The following LRRTM4 variants were observed in gnomAD, a reference collection of about 807,000 sequenced individuals.
The protein encoded by LRRTM4 is leucine-rich repeat transmembrane neuronal protein 4.
Under a neutral mutation model 47.6 loss-of-function variants are expected in LRRTM4, and 25 were observed. The observed-to-expected ratio is 0.53, with a 90% CI of 0.38 to 0.73. LRRTM4 has a LOEUF of 0.73. Ranked by LOEUF, LRRTM4 falls within the 30% of genes least tolerant of loss-of-function variation. The pLI, the probability that LRRTM4 is intolerant of heterozygous loss-of-function variation, is 0.00. For missense variants in LRRTM4, 638 were observed against 713.4 expected, an observed-to-expected ratio of 0.89 and a Z score of 1.20; for synonymous variants, 311 against 269.5, an observed-to-expected ratio of 1.15 and a Z score of -1.51.
At chr2:77,153,038 A>C (rs1373138335) in intron 3 of LRRTM4, among the ~76,000 whole-genome samples, 1 of 152,206 alleles carries the variant, frequency 6.6e-6, no homozygotes, top group Non-Finnish European at 1.5e-5. Flanking sequence ...AAAAGAAAAA[A>C]AAGCATATTC....
intron 3 of LRRTM4, 102 bp downstream of exon 3, chr2:77,518,216 G>T (rs554632483): frequency 1.4e-6 from 2 of 1,388,294 alleles, no homozygotes; most frequent in Middle Eastern, 2.6e-4. Context: ...AAAGCAAAAG[G>T]GTCATTAATC....
intron 3 of LRRTM4, among the ~76,000 whole-genome samples, chr2:77,031,156 A>G (rs947725402): frequency 1.3e-5 from 2 of 148,260 alleles, no homozygotes; most frequent in Non-Finnish European, 2.9e-5. Context: ...ATAGCAAAAT[A>G]TCTATTTCTA....
At chr2:76,847,831 TTTAAA>T (rs1161363327) in intron 3 of LRRTM4, among the ~76,000 whole-genome samples, 6 of 152,164 alleles carry the variant, frequency 3.9e-5, no homozygotes, top group Admixed American at 3.3e-4. Flanking sequence ...TTTATAAACA[TTTAAA>T]TTAATTTACA....
intron 3 of LRRTM4, among the ~76,000 whole-genome samples, chr2:77,337,729 A>G (rs893829544): frequency 6.6e-6 from 1 of 152,074 alleles, no homozygotes; most frequent in Non-Finnish European, 1.5e-5. Context: ...GCCTTTATAC[A>G]TTACCCAGTC....
chr2:76,806,081 C>A (rs373948656), intron 3 of LRRTM4, among the ~76,000 whole-genome samples: 2 of 151,972 alleles, frequency 1.3e-5, no homozygotes, highest in African/African-American at 4.8e-5. Flanking sequence ...CAGAACAAGG[C>A]AAAATATTGA....
At chr2:76,781,003 G>A (rs912853444) in intron 3 of LRRTM4, among the ~76,000 whole-genome samples, 1 of 152,260 alleles carries the variant, frequency 6.6e-6, no homozygotes, top group Non-Finnish European at 1.5e-5. Flanking sequence ...CTGCAGGTCT[G>A]TTGGAATACC....
intron 3 of LRRTM4, among the ~76,000 whole-genome samples, chr2:77,288,198 G>A (rs1676716543): frequency 6.6e-6 from 1 of 151,460 alleles, no homozygotes; most frequent in African/African-American, 2.4e-5. Flanking sequence ...AGAGTGTCAA[G>A]TAGAAAAAAT....
rs529095772 is a variant in LRRTM4 at position 77,084,210 on chromosome 2, A to C, written c.1552-335294T>G. The stretch of plus-strand genomic sequence containing the variant: ...AAACTTTCAATGAACATTACTTCAA[A>C]GAAAATTGACCTTGTCTTTCGCTCA... On this transcript the variant is annotated intron_variant, in intron 3 of 3. Transcript: ENST00000409884. 5.1e-4 allele frequency among the ~76,000 whole-genome samples: 78 copies of C among 152,194 alleles called. 1 individual carries two copies. Among genetic ancestry groups the C allele is most frequent in the Non-Finnish European group, 8.8e-4 (60 of 68,026 alleles).
At chr2:76,751,471 A>T (rs1266094114) in intron 3 of LRRTM4, among the ~76,000 whole-genome samples, 4 of 152,192 alleles carry the variant, frequency 2.6e-5, no homozygotes, top group African/African-American at 9.6e-5. Context: ...TGTGATTGAT[A>T]GTGATATTTT....
chr2:77,319,731 G>T (rs997452302), intron 3 of LRRTM4, among the ~76,000 whole-genome samples: 2 of 152,138 alleles, frequency 1.3e-5, no homozygotes, highest in African/African-American at 4.8e-5. Flanking sequence ...TTAACAATTG[G>T]CTTTAAAACT....
At chr2:76,774,989 T>C (rs1018187258) in intron 3 of LRRTM4, among the ~76,000 whole-genome samples, 11 of 152,316 alleles carry the variant, frequency 7.2e-5, no homozygotes, top group African/African-American at 2.6e-4. Flanking sequence ...CTCATCTCCA[T>C]AAAGTTGTCT....
At chr2:76,817,651 G>A (rs947548299) in intron 3 of LRRTM4, among the ~76,000 whole-genome samples, 1 of 151,968 alleles carries the variant, frequency 6.6e-6, no homozygotes, top group East Asian at 1.9e-4. Flanking sequence ...TGCAGCCAGA[G>A]AATGAGGCTA....
intron 3 of LRRTM4, among the ~76,000 whole-genome samples, chr2:76,865,971 A>G (rs2104028091): frequency 6.6e-6 from 1 of 152,290 alleles, no homozygotes; most frequent in South Asian, 2.1e-4. Flanking sequence ...TTAAGAAAAC[A>G]CATGTTACTA....
At chr2:77,341,303 G>C (rs1671364292) in intron 3 of LRRTM4, among the ~76,000 whole-genome samples, 1 of 151,856 alleles carries the variant, frequency 6.6e-6, no homozygotes, top group Admixed American at 6.6e-5. Context: ...ACCCATGAAT[G>C]AATCATGTTC....
chr2:77,124,881 A>T (rs991924304), intron 3 of LRRTM4, among the ~76,000 whole-genome samples: 18 of 152,100 alleles, frequency 1.2e-4, no homozygotes, highest in African/African-American at 4.1e-4. Flanking sequence ...CTGTGGTCCC[A>T]CGTGCACTGC....
chr2:77,403,935 T>C (rs1205172046), intron 3 of LRRTM4, among the ~76,000 whole-genome samples: 1 of 151,206 alleles, frequency 6.6e-6, no homozygotes, highest in Non-Finnish European at 1.5e-5. Context: ...ATTCACTAAA[T>C]GGAAGAAAAA....
chr2:77,472,756 G>A (rs1558759540), intron 3 of LRRTM4, among the ~76,000 whole-genome samples: 1 of 152,102 alleles, frequency 6.6e-6, no homozygotes, highest in Admixed American at 6.6e-5. Context: ...TCAGTGCTAA[G>A]GTGTGAAACC....
chr2:76,851,989 G>A (rs1190624067), intron 3 of LRRTM4, among the ~76,000 whole-genome samples: 2 of 151,870 alleles, frequency 1.3e-5, no homozygotes, highest in African/African-American at 4.8e-5. Flanking sequence ...ACATAACGTT[G>A]AATCATATTG....
At chr2:77,510,217 T>A (rs1678930328) in intron 3 of LRRTM4, among the ~76,000 whole-genome samples, 1 of 152,072 alleles carries the variant, frequency 6.6e-6, no homozygotes, top group Non-Finnish European at 1.5e-5. Flanking sequence ...CATTTGAAAA[T>A]AAATTTATTT....
Sources: gnomAD v4.1 joint callset for allele counts (sites outside exome capture counted in the v4.1 genomes callset) on GRCh38, gnomAD v4.1.1 for gene constraint, MANE v1.5 for transcripts, NCBI Gene and HGNC (gene_info 2026-07-23, HGNC 2026-07-21) for gene names.